ZGRF1: variants seen among roughly 807,000 people sequenced by gnomAD.
ZGRF1 encodes the protein zinc finger GRF-type containing 1.
ZGRF1 carries 196 observed loss-of-function variants against 203.5 expected under a neutral mutation model. The ratio of observed to expected loss-of-function variants is 0.96; its 90% confidence interval spans 0.86 to 1.08. The LOEUF is 1.08. Ranked by LOEUF, ZGRF1 falls within the 50% of genes least tolerant of loss-of-function variation. The pLI, the probability that ZGRF1 is intolerant of heterozygous loss-of-function variation, is 0.00. For missense variants in ZGRF1, 2,326 were observed against 2,416.3 expected (o/e 0.96, Z 0.78); for synonymous variants, 809 against 841.3 (o/e 0.96, Z 0.66).
At chr4:112,564,081 A>G (rs570958932) in intron 16 of ZGRF1, among the ~76,000 whole-genome samples, 1 of 152,216 alleles carries the variant, frequency 6.6e-6, no homozygotes, top group African/African-American at 2.4e-5. Flanking sequence ...AAAAAAAGTA[A>G]TATTGGACTC....
chr4:112,554,352 T>C (rs757148473), intron 21 of ZGRF1, among the ~76,000 whole-genome samples: 6 of 151,992 alleles, frequency 3.9e-5, no homozygotes, highest in Non-Finnish European at 8.8e-5. Context: ...ACTGGGTATA[T>C]ACCCAAAGGA....
chr4:112,564,930 G>GTCGC, intron 16 of ZGRF1: 1 of 744,340 alleles, frequency 1.3e-6, no homozygotes, highest in Non-Finnish European at 2.5e-6. Flanking sequence ...AGCGCCGCCT[G>GTCGC]TCGCTGACCA....
rs1174921917 is a variant in ZGRF1, at chr4:112,581,812, G to C, written c.4299-10C>G. Reference sequence around the variant, plus strand: ...AAAATCAAATCCTTTTCTGAAAAGGGAATAAAAAATAAAAATGAATTGTAA... The same window carrying C: ...AAAATCAAATCCTTTTCTGAAAAGGCAATAAAAAATAAAAATGAATTGTAA... On this transcript the variant is annotated splice_polypyrimidine_tract_variant and intron_variant, in intron 15 of 27. Transcript: ENST00000505019. 3 of 1,292,934 alleles carry C rather than the reference G, an allele frequency of 2.3e-6. No homozygotes were observed. The highest frequency in any genetic ancestry group is 3.1e-6 in the Non-Finnish European group (3 of 973,120). 80.1% of individuals were successfully genotyped at this position (1,292,934 alleles called of 1,614,324 possible).
chr4:112,616,948 T>A (rs1020865662), intron 6 of ZGRF1, among the ~76,000 whole-genome samples: 5 of 152,036 alleles, frequency 3.3e-5, no homozygotes, highest in African/African-American at 1.2e-4. Flanking sequence ...AAAAATGTAT[T>A]CCCTAGTACC....
chr4:112,612,399 T>C (rs941795745), intron 7 of ZGRF1, 125 bp downstream of exon 7: 2 of 574,980 alleles, frequency 3.5e-6, no homozygotes, highest in South Asian at 5.6e-5. Context: ...AATGAAAAAT[T>C]ACTGAGATAC....
intron 3 of ZGRF1, among the ~76,000 whole-genome samples, chr4:112,624,547 A>G (rs1188124841): frequency 6.6e-6 from 1 of 152,202 alleles, no homozygotes; most frequent in African/African-American, 2.4e-5. Context: ...AGATTATTGC[A>G]ATGGGATGGT....
At chr4:112,568,420 C>CA (rs1224017401) in intron 16 of ZGRF1, among the ~76,000 whole-genome samples, 1 of 152,072 alleles carries the variant, frequency 6.6e-6, no homozygotes, top group African/African-American at 2.4e-5. Context: ...AAATAAGACT[C>CA]AGAGTGCCGG....
intron 19 of ZGRF1, 67 bp from the exon 20 acceptor site, chr4:112,558,376 TTTC>T (rs1283144502): frequency 7.6e-7 from 1 of 1,315,026 alleles, no homozygotes; most frequent in Admixed American, 3.7e-5. Flanking sequence ...TTCTTTTCTT[TTTC>T]TTGAGACAGA....
At chr4:112,609,163 C>T (rs1014923129) in intron 8 of ZGRF1, among the ~76,000 whole-genome samples, 3 of 151,830 alleles carry the variant, frequency 2.0e-5, no homozygotes, top group African/African-American at 7.3e-5. Context: ...ATGCCATTCT[C>T]CTGCCTCAGC....
chr4:112,565,187 C>T (rs1169725446), intron 16 of ZGRF1: 1 of 1,537,392 alleles, frequency 6.5e-7, no homozygotes, highest in African/African-American at 1.4e-5. Context: ...CGCTAACTTC[C>T]CTTCCAGCGT....
chr4:112,579,326 G>C (rs796738083), intron 16 of ZGRF1, among the ~76,000 whole-genome samples: 2 of 122,816 alleles, frequency 1.6e-5, no homozygotes, highest in African/African-American at 5.7e-5. Flanking sequence ...CACTGAATGG[G>C]CAAAAACTGG....
chr4:112,568,324 G>A (rs560666259), intron 16 of ZGRF1, among the ~76,000 whole-genome samples: 2 of 152,250 alleles, frequency 1.3e-5, no homozygotes, highest in African/African-American at 4.8e-5. Flanking sequence ...AACCCAGTTA[G>A]ACACTGTATA....
intron 10 of ZGRF1, among the ~76,000 whole-genome samples, chr4:112,602,238 C>T (rs750062619): frequency 1.3e-5 from 2 of 151,854 alleles, no homozygotes; most frequent in African/African-American, 2.4e-5. Flanking sequence ...ACAGGCACTA[C>T]ATCAAAGAGG....
chr4:112,609,506 A>G, intron 7 of ZGRF1, 77 bp from the exon 8 acceptor site: 1 of 696,646 alleles, frequency 1.4e-6, no homozygotes, highest in Non-Finnish European at 2.4e-6. Context: ...AATTTCTATT[A>G]GACTTAAGAA....
At chr4:112,626,626 G>A (rs2047247907) in intron 3 of ZGRF1, among the ~76,000 whole-genome samples, 2 of 151,904 alleles carry the variant, frequency 1.3e-5, no homozygotes, top group African/African-American at 2.4e-5. Flanking sequence ...CAACTCACTC[G>A]GATGCCCAAA....
At chr4:112,575,955 C>A (rs1228392781) in intron 16 of ZGRF1, among the ~76,000 whole-genome samples, 1 of 152,204 alleles carries the variant, frequency 6.6e-6, no homozygotes, top group Non-Finnish European at 1.5e-5. Context: ...CGCAGCTGGA[C>A]ATCTGAGAAT....
intron 6 of ZGRF1, among the ~76,000 whole-genome samples, chr4:112,617,170 C>T (rs1028316068): frequency 5.9e-5 from 9 of 151,998 alleles, no homozygotes; most frequent in Middle Eastern, 3.2e-3. Flanking sequence ...ATAAATGTGC[C>T]AATATATGCT....
In ZGRF1 at chr4:112,584,116, C is replaced by T. The variant is rs373108651; in HGVS notation, c.4160G>A (p.Trp1387Ter). The T allele has an allele frequency of 8.7e-6, 14 of 1,613,390 alleles. No individual in the cohort carries two copies. The highest frequency in any genetic ancestry group is 1.2e-5 in the Non-Finnish European group (14 of 1,179,620). ...ATATCCTGGAGTCACGTCCTCAAGCCATTTAAAGAATTTACATCGATCAGC... is the reference window on the plus strand; with the variant it reads ...ATATCCTGGAGTCACGTCCTCAAGCTATTTAAAGAATTTACATCGATCAGC... ...PKADRCKFFK[W>*]LEDVTPGYST... is the part of the protein sequence containing the mutation. Residue 1387 changes from tryptophan to a stop codon, truncating the protein, a stop_gained, in exon 15 of 28, where the codon TGG (tryptophan) becomes TAG (stop). Transcript: ENST00000505019. LOFTEE classifies it high-confidence loss of function.
Position 112,587,538 on chromosome 4 carries a change from A to G in ZGRF1, c.3519T>C (p.Ala1173=). 2 of 1,613,952 alleles carry G rather than the reference A, an allele frequency of 1.2e-6. No homozygotes were observed. Among genetic ancestry groups the G allele is most frequent in the Non-Finnish European group, 8.5e-7 (1 of 1,179,850 alleles). The change falls in exon 12 of 28, where the codon GCT becomes GCC. Residue 1173 remains alanine, a synonymous_variant. Transcript: ENST00000505019. ...VDKRITDGFF[A]EAVSGMHFRD... is the part of the protein sequence containing the mutation. ...TAAAATGCATCCCAGAAACAGCCTC[A>G]GCAAAGAAGCCATCAGTTATTCTCT...
Sources: allele counts gnomAD v4.1 joint callset (sites outside exome capture counted in the v4.1 genomes callset), GRCh38; gene constraint gnomAD v4.1.1; transcripts MANE v1.5; gene names NCBI Gene and HGNC (gene_info 2026-07-23, HGNC 2026-07-21).